Variants in ZNF462 observed in about 807,000 individuals in gnomAD.
The protein encoded by ZNF462 is zinc finger protein 462.
A neutral mutation model predicts 201.9 loss-of-function variants in ZNF462; 10 were observed. That is an observed-to-expected ratio of 0.05 (90% confidence interval 0.03 to 0.08). ZNF462 has a LOEUF of 0.08. ZNF462 is among the 10% of genes least tolerant of loss of function. The pLI, the probability that ZNF462 is intolerant of heterozygous loss-of-function variation, is 1.00. For missense variants in ZNF462, 2,523 were observed against 3,168.3 expected (o/e 0.80, Z 4.89); for synonymous variants, 1,227 against 1,193.3 (o/e 1.03, Z -0.58).
intron 1 of ZNF462, among the ~76,000 whole-genome samples, chr9:106,889,289 A>G (rs1343616510): frequency 6.6e-6 from 1 of 152,198 alleles, no homozygotes; most frequent in Non-Finnish European, 1.5e-5. Flanking sequence ...TTTATCTTGT[A>G]AAACTTTCCT....
At chr9:107,004,253 C>G (rs1032520829) in intron 11 of ZNF462, among the ~76,000 whole-genome samples, 8 of 152,136 alleles carry the variant, frequency 5.3e-5, no homozygotes, top group African/African-American at 1.9e-4. Flanking sequence ...CATCAGAAAT[C>G]AACATTGCAG....
intron 10 of ZNF462, among the ~76,000 whole-genome samples, chr9:106,986,926 G>A (rs1244937463): frequency 4.0e-5 from 6 of 151,854 alleles, no homozygotes; most frequent in Admixed American, 6.6e-5. Flanking sequence ...CATCCAGGTC[G>A]CTGCACATGC....
chr9:106,914,646 T>G (rs1343299494), intron 1 of ZNF462, among the ~76,000 whole-genome samples: 3 of 152,180 alleles, frequency 2.0e-5, no homozygotes, highest in Non-Finnish European at 4.4e-5. Flanking sequence ...CACTGAGTGT[T>G]CCCAAGGCTG....
rs575445631 is a variant in ZNF462, at chr9:106,920,430, A to G, written c.-30-2924A>G. On this transcript the variant is annotated intron_variant, in intron 1 of 12. Coordinates refer to ENST00000277225, the MANE Select transcript of ZNF462 (RefSeq NM_021224.6). This position sits in a 1 kb window ranked among gnomAD's most constrained non-coding sequence, Gnocchi z 4.3. ...AGCAAGATGGCTTTCAAAGTAGGCT[A>G]CATCCTCCTTTCAGTACTTGGTGCA... is the stretch of plus-strand genomic sequence containing the variant. 1.0e-3 allele frequency among the ~76,000 whole-genome samples: 156 copies of G among 152,338 alleles called. 1 individual carries two copies. Among genetic ancestry groups the G allele is most frequent in the African/African-American group, 3.6e-3 (150 of 41,574 alleles).
chr9:106,895,950 C>CA lies in ZNF462; in HGVS notation c.-30-27396dup, dbSNP rs564168463. Among the ~76,000 whole-genome samples the CA allele has an allele frequency of 1.2e-3, 180 of 151,544 alleles. 1 individual carries two copies. In the East Asian group the frequency reaches 0.025, roughly 21 times the overall value. ...TTTACTTATGAGAAGAAATGCAATG[C>CA]AAAAAAAACAAGAACATTCATTATC... On this transcript the variant is annotated intron_variant, in intron 1 of 12. Transcript: ENST00000277225. The surrounding 1 kb of genome is among the most constrained non-coding windows in gnomAD (Gnocchi z 4.4).
At chr9:106,872,000 A>T (rs1827612992) in intron 1 of ZNF462, among the ~76,000 whole-genome samples, 2 of 152,236 alleles carry the variant, frequency 1.3e-5, no homozygotes, top group South Asian at 4.1e-4. Flanking sequence ...CAAGCGTCAC[A>T]GGCTGGTCTG....
intron 10 of ZNF462, among the ~76,000 whole-genome samples, chr9:106,985,331 A>G (rs563146987): frequency 5.9e-5 from 9 of 152,248 alleles, no homozygotes; most frequent in African/African-American, 2.2e-4. Context: ...ATTGTAAAAT[A>G]TATGTTTTGG....
chr9:106,983,685 G>C (rs140184057), intron 9 of ZNF462, among the ~76,000 whole-genome samples: 3 of 152,316 alleles, frequency 2.0e-5, no homozygotes, highest in Non-Finnish European at 4.4e-5. Context: ...GTAAAAATGA[G>C]AGTAACTCCA....
chr9:106,879,961 GGA>G lies in ZNF462; in HGVS notation c.-31+16614_-31+16615del, dbSNP rs1828019695. 2.6e-5 allele frequency among the ~76,000 whole-genome samples: 4 copies of G among 152,232 alleles called. No individual in the cohort carries two copies. In the South Asian group the frequency reaches 8.3e-4, roughly 32 times the overall value. ...AGTGGACTTCACAGCTGTGTTAAAG[GGA>G]GAGAGAGCAACTCACTGACTCTTGG... is the stretch of plus-strand genomic sequence containing the variant. On this transcript the variant is annotated intron_variant, in intron 1 of 12. Coordinates refer to ENST00000277225, the MANE Select transcript of ZNF462 (RefSeq NM_021224.6).
Position 106,984,334 on chromosome 9 carries a change from T to G in ZNF462, c.6981T>G (p.Pro2327=). ...QHIEKHNELK[P]YKCQLCYYET... ...TAGAAAAGCACAATGAACTGAAACC[T>G]TACAAATGCCAGCTCTGCTACTATG... The change falls in exon 10 of 13, where the codon CCT becomes CCG. Residue 2327 remains proline (P), a synonymous_variant. Transcript: ENST00000277225. The surrounding 1 kb of genome is among the most constrained non-coding windows in gnomAD (Gnocchi z 6.4). The G allele has an allele frequency of 6.2e-7, 1 of 1,614,026 alleles. No homozygotes were observed. The highest frequency in any genetic ancestry group is 8.5e-7 in the Non-Finnish European group (1 of 1,179,994).
intron 1 of ZNF462, among the ~76,000 whole-genome samples, chr9:106,863,707 G>C (rs2130738595): frequency 6.6e-6 from 1 of 151,996 alleles, no homozygotes; most frequent in East Asian, 1.9e-4. Flanking sequence ...GAGCGCGGTG[G>C]CTTAATTAAT....
Position 106,928,919 on chromosome 9 carries a change from C to T in ZNF462, c.5007C>T (p.Cys1669=). Residue 1669 remains cysteine (C), a synonymous_variant, in exon 3 of 13, where the codon TGC becomes TGT. Coordinates refer to ENST00000277225, the MANE Select transcript of ZNF462 (RefSeq NM_021224.6). This position sits in a 1 kb window ranked among gnomAD's most constrained non-coding sequence, Gnocchi z 9.3. ...GGTGCCAGCTCTGCAAGTACTTCTGCTCCACGAGGAAGGGGATCGCCAGGC... is the reference window on the plus strand; with the variant it reads ...GGTGCCAGCTCTGCAAGTACTTCTGTTCCACGAGGAAGGGGATCGCCAGGC... ...VFRCQLCKYF[C]STRKGIARHY... is the part of the protein sequence containing the mutation. The T allele has an allele frequency of 6.2e-7, 1 of 1,614,108 alleles. No individual in the cohort carries two copies. Among genetic ancestry groups the T allele is most frequent in the South Asian group, 1.1e-5 (1 of 91,074 alleles).
intron 1 of ZNF462, among the ~76,000 whole-genome samples, chr9:106,899,224 GTA>G (rs1412550052): frequency 2.0e-5 from 2 of 99,434 alleles, no homozygotes; most frequent in Admixed American, 1.2e-4. Context: ...GAATGTGTGT[GTA>G]TGTGTGTGTG....
chr9:106,942,244 A>G (rs1298448698), intron 7 of ZNF462, among the ~76,000 whole-genome samples: 1 of 152,226 alleles, frequency 6.6e-6, no homozygotes, highest in African/African-American at 2.4e-5. Flanking sequence ...CTTCTCTGGC[A>G]GAGGGAAACA....
In ZNF462 at chr9:106,950,766, C is replaced by T. The variant is rs188676103; in HGVS notation, c.6427+11659C>T. On this transcript the variant is annotated intron_variant, in intron 7 of 12. Coordinates refer to ENST00000277225, the MANE Select transcript of ZNF462 (RefSeq NM_021224.6). This position sits in a 1 kb window ranked among gnomAD's most constrained non-coding sequence, Gnocchi z 4.1. The stretch of plus-strand genomic sequence containing the variant: ...CATCTTAGCTATGTTATCTCCATAA[C>T]GGAAGTCTGGAAAACAATAACTCTT... Among the ~76,000 whole-genome samples, 101 of 152,170 alleles carry T rather than the reference C, an allele frequency of 6.6e-4. No individual in the cohort carries two copies. The highest frequency in any genetic ancestry group is 3.4e-3 in the Middle Eastern group (1 of 294).
Position 106,923,519 on chromosome 9 carries a change from T to C in ZNF462, c.136T>C (p.Cys46Arg), listed in dbSNP as rs749201942. Reference protein sequence around the residue: ...VAEDNVNELRCGSVNASNQTE... With the variant: ...VAEDNVNELRRGSVNASNQTE... ...TGAGGACAATGTGAATGAGCTACGA[T>C]GTGGGTCCGTGAATGCCAGTAATCA... Residue 46 changes from cysteine to arginine, a missense_variant, in exon 2 of 13, where the codon TGT becomes CGT. Transcript: ENST00000277225. This position sits in a 1 kb window ranked among gnomAD's most constrained non-coding sequence, Gnocchi z 5.6. The C allele has an allele frequency of 5.0e-6, 8 of 1,614,218 alleles. No homozygotes were observed. Among genetic ancestry groups the C allele is most frequent in the Non-Finnish European group, 6.8e-6 (8 of 1,180,038 alleles).
At chr9:106,975,768 A>G (rs1449719619) in intron 9 of ZNF462, 3 of 152,126 alleles carry the variant, frequency 2.0e-5, no homozygotes, top group Non-Finnish European at 4.4e-5. Flanking sequence ...TTCTTTTCCC[A>G]TATTGCTGCC....
At chr9:106,937,773 T>C (rs1267113322) in intron 6 of ZNF462, among the ~76,000 whole-genome samples, 1 of 152,184 alleles carries the variant, frequency 6.6e-6, no homozygotes, top group Non-Finnish European at 1.5e-5. Flanking sequence ...TTATTTTAAT[T>C]GAATAAAATA....
At chr9:106,911,835 C>G (rs1175764361) in intron 1 of ZNF462, among the ~76,000 whole-genome samples, 1 of 151,594 alleles carries the variant, frequency 6.6e-6, no homozygotes, top group Non-Finnish European at 1.5e-5. Flanking sequence ...TTTTTTATAT[C>G]CAACAAATGG....
Sources: allele counts gnomAD v4.1 joint callset (sites outside exome capture counted in the v4.1 genomes callset), GRCh38; gene constraint gnomAD v4.1.1; non-coding constraint Gnocchi (gnomAD v3.1); transcripts MANE v1.5; gene names NCBI Gene and HGNC (gene_info 2026-07-23, HGNC 2026-07-21).